THRB: variants seen among roughly 807,000 people sequenced by gnomAD.
The protein encoded by THRB is nuclear receptor subfamily 1 group A member 2.
Under a neutral mutation model 47.8 loss-of-function variants are expected in THRB, and 12 were observed. That is an observed-to-expected ratio of 0.25 (90% CI 0.16 to 0.41). The LOEUF (loss-of-function observed/expected upper bound fraction) is 0.41, where lower values mean the gene tolerates loss of function less well. Ranked by LOEUF, THRB falls within the 10% of genes least tolerant of loss-of-function variation. The probability of loss-of-function intolerance (pLI) is 1.00; values close to 1 mark genes in which losing one functional copy is unlikely to be tolerated. For missense variants in THRB, 348 were observed against 589.2 expected (o/e 0.59, Z 4.24); for synonymous variants, 218 against 212.2 (o/e 1.03, Z -0.24).
At position 24,118,955 on chromosome 3, in the gene THRB, C is replaced by T. The variant is rs549973481; in HGVS notation, c.*3929G>A. 4.8e-3 allele frequency: 621 copies of T among 129,544 alleles called. No homozygotes were observed. Among genetic ancestry groups the T allele is most frequent in the Non-Finnish European group, 8.8e-3 (513 of 58,240 alleles). 8.0% of individuals were successfully genotyped at this position (129,544 alleles called of 1,614,324 possible). On this transcript the variant is annotated 3_prime_UTR_variant, in exon 11 of 11. Transcript: ENST00000646209. ...TAAAAATTCTGTGATAAGGCCAAAC[C>T]TTTTTTCCCCCAGTCTGGTTTTTTT... is the stretch of plus-strand genomic sequence containing the variant.
chr3:24,436,374 C>T (rs1044066553), intron 1 of THRB, among the ~76,000 whole-genome samples: 6 of 152,110 alleles, frequency 3.9e-5, no homozygotes, highest in Non-Finnish European at 5.9e-5. Context: ...AGTTTACAAA[C>T]GCACAGCAGT....
intron 1 of THRB, among the ~76,000 whole-genome samples, chr3:24,491,685 T>C (rs943611795): frequency 1.3e-5 from 2 of 152,232 alleles, no homozygotes; most frequent in African/African-American, 4.8e-5. Context: ...GTTGGTCCAC[T>C]TAGGGCTGCC....
rs1553658453 is a variant in THRB at position 24,233,595 on chromosome 3, G to GAAAGAAAAAT, written c.-42-4595_-42-4594insATTTTTCTTT. Among the ~76,000 whole-genome samples the GAAAGAAAAAT allele has an allele frequency of 1.9e-3, 275 of 143,964 alleles. 7 individuals are homozygous for GAAAGAAAAAT. The highest frequency in any genetic ancestry group is 0.012 in the South Asian group (51 of 4,356). The allele number at this position is 143,964 out of a possible 152,430, so 94.4% of individuals were successfully genotyped here. On this transcript the variant is annotated intron_variant, in intron 3 of 10. Transcript: ENST00000646209. ...AGAAAGAAAGAAAGAAAGAAAGAAA[G>GAAAGAAAAAT]AAAGAAAGAAAGAAAGAAAGAGAAA... is the stretch of plus-strand genomic sequence containing the variant.
At chr3:24,266,757 T>C (rs2052700028) in intron 3 of THRB, among the ~76,000 whole-genome samples, 1 of 152,098 alleles carries the variant, frequency 6.6e-6, no homozygotes. Flanking sequence ...TGAGATGACA[T>C]GGAGAAAATG....
chr3:24,168,349 G>T (rs2596626), intron 5 of THRB, among the ~76,000 whole-genome samples: 3 of 151,814 alleles, frequency 2.0e-5, no homozygotes, highest in Admixed American at 6.6e-5. Flanking sequence ...GCTTCAGTGA[G>T]GTTGTTGTCT....
At chr3:24,367,921 C>A (rs1387322893) in intron 1 of THRB, among the ~76,000 whole-genome samples, 1 of 152,074 alleles carries the variant, frequency 6.6e-6, no homozygotes, top group East Asian at 1.9e-4. Flanking sequence ...GGGCTCAATA[C>A]AAGGAGGGAG....
chr3:24,151,565 C>T (rs996172803), intron 6 of THRB, among the ~76,000 whole-genome samples: 6 of 152,116 alleles, frequency 3.9e-5, no homozygotes, highest in African/African-American at 1.4e-4. Context: ...ACTTTAAATA[C>T]TTCTTTATTT....
Position 24,118,939 on chromosome 3 carries a change from T to C in THRB, c.*3945A>G, listed in dbSNP as rs1020769364. 1 of 150,624 alleles carries C rather than the reference T, an allele frequency of 6.6e-6. No individual in the cohort carries two copies. Among genetic ancestry groups the C allele is most frequent in the Admixed American group, 6.6e-5 (1 of 15,096 alleles). 9.3% of individuals were successfully genotyped at this position (150,624 alleles called of 1,614,324 possible). ...CATTTATACAGCACAGTAAAAATTC[T>C]GTGATAAGGCCAAACCTTTTTTCCC... On this transcript the variant is annotated 3_prime_UTR_variant, in exon 11 of 11. Transcript: ENST00000646209.
intron 1 of THRB, among the ~76,000 whole-genome samples, chr3:24,375,490 TA>T (rs2065219192): frequency 6.9e-6 from 1 of 145,890 alleles, no homozygotes; most frequent in African/African-American, 2.5e-5. Flanking sequence ...GTTAGACATA[TA>T]ATATTAATAT....
At chr3:24,364,352 G>T (rs1401462696) in intron 1 of THRB, among the ~76,000 whole-genome samples, 1 of 152,138 alleles carries the variant, frequency 6.6e-6, no homozygotes, top group Non-Finnish European at 1.5e-5. Flanking sequence ...TGCAGTGGTT[G>T]AAGTATGGAA....
In THRB at chr3:24,164,133, C is replaced by T. The variant is rs561220057; in HGVS notation, c.284-11643G>A. ...TCTGGCATATCTGCACTAGCATTTA[C>T]ACTATCTTCAAAAGCATTCCTATCT... On this transcript the variant is annotated intron_variant, in intron 5 of 10. Transcript: ENST00000646209. Among the ~76,000 whole-genome samples the T allele has an allele frequency of 5.9e-5, 9 of 152,278 alleles. No homozygotes were observed. In the East Asian group the frequency reaches 1.7e-3, roughly 29 times the overall value.
At chr3:24,182,725 A>G (rs2042062002) in intron 5 of THRB, among the ~76,000 whole-genome samples, 1 of 152,206 alleles carries the variant, frequency 6.6e-6, no homozygotes, top group Non-Finnish European at 1.5e-5. Context: ...GAGAAAACTG[A>G]GGCTCAAACA....
At chr3:24,495,599 G>C (rs927429105), upstream of THRB, 8 of 152,390 alleles carry the variant, frequency 5.2e-5, no homozygotes, top group Non-Finnish European at 8.8e-5. Flanking sequence ...CATAGGTGCG[G>C]GTTTGGGCGT....
intron 1 of THRB, among the ~76,000 whole-genome samples, chr3:24,475,675 T>C (rs537425963): frequency 2.0e-5 from 3 of 152,330 alleles, no homozygotes; most frequent in African/African-American, 7.2e-5. Flanking sequence ...GTAACACTTA[T>C]GCCTAGGCGA....
chr3:24,286,309 T>A (rs989768218), intron 3 of THRB, among the ~76,000 whole-genome samples: 1 of 152,228 alleles, frequency 6.6e-6, no homozygotes, highest in Non-Finnish European at 1.5e-5. Context: ...CATGCTTTCA[T>A]AAAACAATAA....
chr3:24,169,686 T>TTATA (rs942487638), intron 5 of THRB, among the ~76,000 whole-genome samples: 1 of 147,280 alleles, frequency 6.8e-6, no homozygotes, highest in Admixed American at 6.8e-5. Context: ...ATAATATATA[T>TTATA]TATATATATA....
At chr3:24,150,226 C>T (rs1324018161) in intron 6 of THRB, among the ~76,000 whole-genome samples, 1 of 152,202 alleles carries the variant, frequency 6.6e-6, no homozygotes, top group African/African-American at 2.4e-5. Flanking sequence ...TCTCTCCATA[C>T]ACATTGCAAG....
chr3:24,154,321 TTATC>T (rs1242952608), intron 5 of THRB, among the ~76,000 whole-genome samples: 1 of 152,166 alleles, frequency 6.6e-6, no homozygotes, highest in Admixed American at 6.5e-5. Context: ...ATTCAGTCAT[TTATC>T]TATGAATTCA....
At chr3:24,253,287 CA>C (rs147301432) in intron 3 of THRB, among the ~76,000 whole-genome samples, 2 of 152,238 alleles carry the variant, frequency 1.3e-5, no homozygotes, top group East Asian at 3.9e-4. Context: ...AACTCTAGAG[CA>C]AAGGTTGCAA....
Sources: gnomAD v4.1 joint callset for allele counts (sites outside exome capture counted in the v4.1 genomes callset) on GRCh38, gnomAD v4.1.1 for gene constraint, MANE v1.5 for transcripts, NCBI Gene and HGNC (gene_info 2026-07-23, HGNC 2026-07-21) for gene names.